Variants in BET1L observed in about 807,000 individuals in gnomAD.
BET1L encodes BET1-like protein.
A neutral mutation model predicts 12.6 loss-of-function variants in BET1L; 13 were observed. The ratio of observed to expected loss-of-function variants is 1.03; its 90% CI spans 0.67 to 1.64. The LOEUF (loss-of-function observed/expected upper bound fraction) is 1.64, where lower values mean the gene tolerates loss of function less well. Among genes scored for constraint, BET1L ranks in the 40% most tolerant of loss-of-function variants. BET1L has a pLI of 0.00. For missense variants in BET1L, 154 were observed against 150.7 expected (o/e 1.02, Z -0.11); for synonymous variants, 60 against 56.9 (o/e 1.05, Z -0.25).
Position 205,505 on chromosome 11 carries a change from G to C in BET1L, c.169-36C>G, listed in dbSNP as rs777349392. The C allele has an allele frequency of 3.1e-6, 5 of 1,614,046 alleles. No individual in the cohort carries two copies. In the African/African-American group the frequency reaches 6.7e-5, roughly 22 times the overall value. ...AATCCCAGCAAGATCACACAGAAGT[G>C]GTGATTTGACCACCCACCCGCACCA... On this transcript the variant is annotated intron_variant, in intron 3 of 3. Transcript: ENST00000382762.
rs868864444 is a variant in BET1L, at chr11:204,933, C to T, written c.*369G>A. The T allele has an allele frequency of 3.6e-5, 10 of 274,680 alleles. No individual in the cohort carries two copies. Among genetic ancestry groups the T allele is most frequent in the Non-Finnish European group, 5.7e-5 (8 of 139,730 alleles). The allele number at this position is 274,680 out of a possible 1,614,324, so 17.0% of individuals were successfully genotyped here. On this transcript the variant is annotated 3_prime_UTR_variant, in exon 4 of 4. Coordinates refer to ENST00000382762, the MANE Select transcript of BET1L (RefSeq NM_001098787.2). The stretch of plus-strand genomic sequence containing the variant: ...CCGTGCAGCCTTAAGATGTCAGAGT[C>T]CCAAGCGCGGGGAGAAGGGCTGCAA...
At position 207,359 on chromosome 11, in the gene BET1L, C is replaced by CGGCCACAGGCGCCTCAGACGT. The variant is rs1564796971; in HGVS notation, c.-39_-38insACGTCTGAGGCGCCTGTGGCC. ...CGGCTCCTCGACGCGGACACCGACGCGGCCACAGCCGCCTCAGACGTGGCG... is the reference window on the plus strand; with the variant it reads ...CGGCTCCTCGACGCGGACACCGACGCGGCCACAGGCGCCTCAGACGTGGCCACAGCCGCCTCAGACGTGGCG... On this transcript the variant is annotated 5_prime_UTR_variant, in exon 1 of 4. Transcript: ENST00000382762. 1.3e-5 allele frequency: 19 copies of CGGCCACAGGCGCCTCAGACGT among 1,506,400 alleles called. No homozygotes were observed. Among genetic ancestry groups the CGGCCACAGGCGCCTCAGACGT allele is most frequent in the Non-Finnish European group, 1.6e-5 (18 of 1,132,114 alleles). 93.3% of individuals were successfully genotyped at this position (1,506,400 alleles called of 1,614,324 possible). A position where few individuals can be genotyped will look rare whatever the true frequency, so the allele number is the denominator to read the frequency against.
rs1855079399 is a variant in BET1L at position 203,401 on chromosome 11, CAG to C, written c.*1899_*1900del. 1 of 152,384 alleles carries C rather than the reference CAG, an allele frequency of 6.6e-6. No individual in the cohort carries two copies. The highest frequency in any genetic ancestry group is 2.4e-5 in the African/African-American group (1 of 41,430). 9.4% of individuals were successfully genotyped at this position (152,384 alleles called of 1,614,324 possible). ...CTCCAGCGAAAGCCACTCCGAGATGCAGCCTAACTTCCTAGTTTGCATCAGCA... is the reference window on the plus strand; with the variant it reads ...CTCCAGCGAAAGCCACTCCGAGATGCCCTAACTTCCTAGTTTGCATCAGCA... On this transcript the variant is annotated 3_prime_UTR_variant, in exon 4 of 4. Coordinates refer to ENST00000382762, the MANE Select transcript of BET1L (RefSeq NM_001098787.2).
rs770979126 is a variant in BET1L, at chr11:205,312, G to T, written c.326C>A (p.Ala109Glu). 15 of 1,612,744 alleles carry T rather than the reference G, an allele frequency of 9.3e-6. No homozygotes were observed. Among genetic ancestry groups the T allele is most frequent in the Non-Finnish European group, 1.3e-5 (15 of 1,179,278 alleles). Residue 109 changes from alanine (A) to glutamate (E), a missense_variant, in exon 4 of 4, where the codon GCA becomes GAA. Physicochemically the swap from Ala to Glu is moderately radical, Grantham distance 107. Transcript: ENST00000382762. The part of the protein sequence containing the change: ...FFILSYFLSR[A>E]RT The stretch of plus-strand genomic sequence containing the variant: ...CCAGCTCCCACTGGCTCACGTCCTT[G>T]CCCTGGACAAGAAGTAGGAGAGGAT...
At chr11:207,177 C>G (rs1053986102) in intron 1 of BET1L, 126 bp downstream of exon 1, 1 of 1,291,702 alleles carries the variant, frequency 7.7e-7, no homozygotes, top group Non-Finnish European at 1.0e-6. Context: ...AATCCGCCCC[C>G]CTGACAGGGT....
In BET1L at chr11:203,819, A is replaced by C. The variant is rs1408062374; in HGVS notation, c.*1483T>G. On this transcript the variant is annotated 3_prime_UTR_variant, in exon 4 of 4. Coordinates refer to ENST00000382762, the MANE Select transcript of BET1L (RefSeq NM_001098787.2). ...TGGGTGAGAAGTGAGCTTGCACTGC[A>C]TAGGGCAAGAAGAAGGTGGACCCCA... 1 of 153,278 alleles carries C rather than the reference A, an allele frequency of 6.5e-6. No individual in the cohort carries two copies. The highest frequency in any genetic ancestry group is 1.5e-5 in the Non-Finnish European group (1 of 68,456). The allele number at this position is 153,278 out of a possible 1,614,324, so 9.5% of individuals were successfully genotyped here.
At chr11:205,888 C>A (rs1855138931) in intron 2 of BET1L, 64 bp downstream of exon 2, 8 of 1,567,274 alleles carry the variant, frequency 5.1e-6, no homozygotes, top group Non-Finnish European at 7.0e-6. Flanking sequence ...GGCCCTCTGC[C>A]TTCCCTCTGA....
rs900179567 is a variant in BET1L, at chr11:204,784, C to T, written c.*518G>A. Reference sequence around the variant, plus strand: ...CAGCAACCATGGCCAGGAGTAACTGCCATCTCCAGGGTGAGAAGCCTCGGT... The same window carrying T: ...CAGCAACCATGGCCAGGAGTAACTGTCATCTCCAGGGTGAGAAGCCTCGGT... On this transcript the variant is annotated 3_prime_UTR_variant, in exon 4 of 4. Transcript: ENST00000382762. 26 of 170,402 alleles carry T rather than the reference C, an allele frequency of 1.5e-4. No homozygotes were observed. The highest frequency in any genetic ancestry group is 2.4e-4 in the Non-Finnish European group (19 of 78,116). 10.6% of individuals were successfully genotyped at this position (170,402 alleles called of 1,614,324 possible).
intron 1 of BET1L, 199 bp downstream of exon 1, chr11:207,104 C>G (rs577070852): frequency 1.5e-6 from 1 of 648,134 alleles, no homozygotes; most frequent in Non-Finnish European, 2.4e-6. Flanking sequence ...CCGCCACGCG[C>G]GCCTTCGGTC....
chr11:206,036 G>A lies in BET1L; in HGVS notation c.27C>T (p.Ser9=), dbSNP rs1395454578. 3.1e-6 allele frequency: 5 copies of A among 1,613,564 alleles called. No homozygotes were observed. Among genetic ancestry groups the A allele is most frequent in the Non-Finnish European group, 3.4e-6 (4 of 1,180,018 alleles). Residue 9 remains serine, a synonymous_variant, in exon 2 of 4, where the codon AGC becomes AGT. Transcript: ENST00000382762. MADWARAQ[S]PGAVEEILDR... ...CTAGAATCTCTTCCACAGCGCCCGG[G>A]CTCTGAGCTGAGAAAAGAGAGGGGC...
In BET1L at chr11:205,048, T is replaced by G; in HGVS notation, c.*254A>C. ...CTGTGGCCCCAGCTCTGCCTGGCTC[T>G]CTAGCACCTGGGGGAGGGGGGAGGG... On this transcript the variant is annotated 3_prime_UTR_variant, in exon 4 of 4. Transcript: ENST00000382762. 1 of 462,626 alleles carries G rather than the reference T, an allele frequency of 2.2e-6. No homozygotes were observed. Among genetic ancestry groups the G allele is most frequent in the Non-Finnish European group, 3.9e-6 (1 of 259,038 alleles). The allele number at this position is 462,626 out of a possible 1,614,324, so 28.7% of individuals were successfully genotyped here. A position where few individuals can be genotyped will look rare whatever the true frequency, so the allele number is the denominator to read the frequency against.
Position 205,449 on chromosome 11 carries a change from C to T in BET1L, c.189G>A (p.Met63Ile). ...LDGMDSDFTS[M>I]TSLLTGSVKR... Reference sequence around the variant, plus strand: ...TCACGCTCCCTGTAAGCAGGCTGGTCATGCTTGTGAAATCCGAGTCCTAAG... The same window carrying T: ...TCACGCTCCCTGTAAGCAGGCTGGTTATGCTTGTGAAATCCGAGTCCTAAG... Residue 63 changes from methionine (M) to isoleucine (I), a missense_variant, in exon 4 of 4, where the codon ATG becomes ATA. Physicochemically the swap from Met to Ile is conservative, Grantham distance 10 (BLOSUM62 1). Transcript: ENST00000382762. 1 of 1,614,218 alleles carries T rather than the reference C, an allele frequency of 6.2e-7. No homozygotes were observed. Among genetic ancestry groups the T allele is most frequent in the South Asian group, 1.1e-5 (1 of 91,074 alleles).
rs554455927 is a variant in BET1L at position 204,803 on chromosome 11, C to A, written c.*499G>T. ...TAACTGCCATCTCCAGGGTGAGAAG[C>A]CTCGGTCGGAGGAGATGACACCCAC... On this transcript the variant is annotated 3_prime_UTR_variant, in exon 4 of 4. Coordinates refer to ENST00000382762, the MANE Select transcript of BET1L (RefSeq NM_001098787.2). 1.8e-4 allele frequency: 31 copies of A among 170,458 alleles called. No individual in the cohort carries two copies. Among genetic ancestry groups the A allele is most frequent in the South Asian group, 8.2e-4 (6 of 7,354 alleles). 10.6% of individuals were successfully genotyped at this position (170,458 alleles called of 1,614,324 possible). A position where few individuals can be genotyped will look rare whatever the true frequency, so the allele number is the denominator to read the frequency against.
intron 2 of BET1L, 63 bp downstream of exon 2, chr11:205,889 T>C (rs72878029): frequency 0.2 from 308,712 of 1,565,498 alleles, 33,673 homozygotes; most frequent in Non-Finnish European, 0.22. Flanking sequence ...GCCCTCTGCC[T>C]TCCCTCTGAT....
rs560757708 is a variant in BET1L at position 205,664 on chromosome 11, C to A, written c.115G>T (p.Ala39Ser). ...TCTGCATCCCTATCGATGTCCAGGGCGAGCTGTTCAGCAGACAGAGAGGGC... is the reference window on the plus strand; with the variant it reads ...TCTGCATCCCTATCGATGTCCAGGGAGAGCTGTTCAGCAGACAGAGAGGGC... The part of the protein sequence containing the change: ...ASKVTRLKSL[A>S]LDIDRDAEDQ... Residue 39 changes from alanine (A) to serine (S), a missense_variant, in exon 3 of 4, where the codon GCC (alanine) becomes TCC (serine). Physicochemically the swap from Ala to Ser is moderately conservative, Grantham distance 99. Transcript: ENST00000382762. 1.3e-5 allele frequency: 21 copies of A among 1,608,542 alleles called. No homozygotes were observed. The highest frequency in any genetic ancestry group is 1.6e-5 in the Non-Finnish European group (19 of 1,177,458).
At position 205,599 on chromosome 11, in the gene BET1L, G is replaced by A. The variant is rs777432952; in HGVS notation, c.168+12C>T. ...GGCAGGGCACTGATACACGCACACC[G>A]TGGGCCCTTACCATGCCATCCAGGT... is the stretch of plus-strand genomic sequence containing the variant. On this transcript the variant is annotated intron_variant, in intron 3 of 3. Coordinates refer to ENST00000382762, the MANE Select transcript of BET1L (RefSeq NM_001098787.2). 5.4e-5 allele frequency: 87 copies of A among 1,613,952 alleles called. No homozygotes were observed. The East Asian group carries it at 1.6e-3, about 30-fold the overall frequency.
rs956764990 is a variant in BET1L at position 205,141 on chromosome 11, T to C, written c.*161A>G. On this transcript the variant is annotated 3_prime_UTR_variant, in exon 4 of 4. Transcript: ENST00000382762. The stretch of plus-strand genomic sequence containing the variant: ...GACCAGCCAACATGAGCTCATCAGG[T>C]CACAGGCAGCCGCAGCCTCCTGCCA... 1.8e-4 allele frequency: 185 copies of C among 1,007,994 alleles called. 2 individuals are homozygous for C. Among genetic ancestry groups the C allele is most frequent in the Admixed American group, 2.6e-4 (9 of 34,856 alleles). 62.4% of individuals were successfully genotyped at this position (1,007,994 alleles called of 1,614,324 possible). A position where few individuals can be genotyped will look rare whatever the true frequency, so the allele number is the denominator to read the frequency against.
rs185887751 is a variant in BET1L at position 206,002 on chromosome 11, T to C, written c.61A>G (p.Asn21Asp). The change falls in exon 2 of 4, where the codon AAC becomes GAC. Residue 21 changes from asparagine to aspartate, a missense_variant. By Grantham distance (23) the Asn-to-Asp change is conservative. Transcript: ENST00000382762. ...GAVEEILDRE[N>D]KRMADSLASK... ...GCCAGGCTGTCAGCCATTCGCTTGTTCTCCCGGTCTAGAATCTCTTCCACA... is the reference window on the plus strand; with the variant it reads ...GCCAGGCTGTCAGCCATTCGCTTGTCCTCCCGGTCTAGAATCTCTTCCACA... 5 of 1,613,996 alleles carry C rather than the reference T, an allele frequency of 3.1e-6. No homozygotes were observed. Among genetic ancestry groups the C allele is most frequent in the East Asian group, 4.5e-5 (2 of 44,880 alleles).
At chr11:206,943 C>A in intron 1 of BET1L, 1 of 331,130 alleles carries the variant, frequency 3.0e-6, no homozygotes, top group Non-Finnish European at 5.6e-6. Context: ...TGGACACCAG[C>A]GGAGCACAGC....
Sources: allele counts gnomAD v4.1 joint callset, GRCh38; gene constraint gnomAD v4.1.1; transcripts MANE v1.5; gene names NCBI Gene and HGNC (gene_info 2026-07-23, HGNC 2026-07-21).